Variants in GFRA1 observed in about 807,000 individuals in gnomAD.
GFRA1 encodes GDNF family receptor alpha 1, also known as GDNF family receptor alpha-1.
Under a neutral mutation model 51.6 loss-of-function variants are expected in GFRA1, and 16 were observed. The observed-to-expected ratio is 0.31, with a 90% CI of 0.21 to 0.47. The LOEUF (loss-of-function observed/expected upper bound fraction) is 0.47, where lower values mean the gene tolerates loss of function less well. GFRA1 is among the 20% of genes least tolerant of loss of function. GFRA1 has a pLI of 1.00. For missense variants in GFRA1, 530 were observed against 594.3 expected (o/e 0.89, Z 1.13); for synonymous variants, 270 against 241.3 (o/e 1.12, Z -1.10).
At chr10:116,172,597 G>C (rs187448781) in intron 5 of GFRA1, among the ~76,000 whole-genome samples, 1 of 152,160 alleles carries the variant, frequency 6.6e-6, no homozygotes. Context: ...AGAGAAGGAG[G>C]GCTAGGCTGA....
chr10:116,128,761 G>A (rs1957981845), intron 5 of GFRA1, among the ~76,000 whole-genome samples: 1 of 150,328 alleles, frequency 6.7e-6, no homozygotes, highest in African/African-American at 2.5e-5. Flanking sequence ...ATTGGCCTAG[G>A]TTATACCTTC....
intron 9 of GFRA1, among the ~76,000 whole-genome samples, chr10:116,084,667 T>G (rs190684394): frequency 5.9e-5 from 9 of 152,260 alleles, no homozygotes; most frequent in African/African-American, 2.2e-4. Flanking sequence ...CACATTAAGA[T>G]GTCTTCACTG....
intron 5 of GFRA1, among the ~76,000 whole-genome samples, chr10:116,175,138 C>T (rs927147785): frequency 6.6e-6 from 1 of 152,156 alleles, no homozygotes; most frequent in Non-Finnish European, 1.5e-5. Context: ...CACCTGGGCA[C>T]ATCACCAGGA....
Position 116,180,374 on chromosome 10 carries a change from G to A in GFRA1, c.433+31257C>T, listed in dbSNP as rs570565660. ...ATAAAATTTTCTTTTGTGAATCTATGCTCCCTGACACATATTCCAAGAAAG... is the reference window on the plus strand; with the variant it reads ...ATAAAATTTTCTTTTGTGAATCTATACTCCCTGACACATATTCCAAGAAAG... On this transcript the variant is annotated intron_variant, in intron 5 of 10. Coordinates refer to ENST00000355422, the MANE Select transcript of GFRA1 (RefSeq NM_005264.8). 6.6e-5 allele frequency among the ~76,000 whole-genome samples: 10 copies of A among 152,230 alleles called. No homozygotes were observed. In the South Asian group the frequency reaches 1.9e-3, roughly 28 times the overall value.
intron 5 of GFRA1, among the ~76,000 whole-genome samples, chr10:116,168,431 T>C (rs1960706797): frequency 6.6e-6 from 1 of 152,182 alleles, no homozygotes; most frequent in Non-Finnish European, 1.5e-5. Context: ...TTCCATAGCA[T>C]GTGTAAACCA....
chr10:116,154,688 A>T (rs2086685790), intron 5 of GFRA1, among the ~76,000 whole-genome samples: 1 of 152,154 alleles, frequency 6.6e-6, no homozygotes, highest in South Asian at 2.1e-4. Context: ...TTTGTTCACT[A>T]TTCTGTGAAT....
At chr10:116,102,878 T>A (rs553298031) in intron 6 of GFRA1, among the ~76,000 whole-genome samples, 2 of 152,318 alleles carry the variant, frequency 1.3e-5, no homozygotes, top group South Asian at 4.2e-4. Flanking sequence ...CAGGATCCCC[T>A]TATCAATCTA....
intron 6 of GFRA1, among the ~76,000 whole-genome samples, chr10:116,106,515 G>A (rs1044946248): frequency 1.5e-4 from 23 of 152,146 alleles, no homozygotes; most frequent in African/African-American, 5.3e-4. Context: ...GTGGGGCCTG[G>A]TGGGAGGTGA....
intron 4 of GFRA1, among the ~76,000 whole-genome samples, chr10:116,265,014 AT>A (rs533469056): frequency 1.2e-3 from 186 of 152,356 alleles, no homozygotes; most frequent in African/African-American, 4.1e-3. Flanking sequence ...TTTTTAAAAA[AT>A]AATGACTTAA....
chr10:116,231,304 G>A (rs1006311755), intron 4 of GFRA1, among the ~76,000 whole-genome samples: 4 of 152,136 alleles, frequency 2.6e-5, no homozygotes, highest in Non-Finnish European at 5.9e-5. Flanking sequence ...TCTGTGTCAT[G>A]AATTCAGTTA....
intron 5 of GFRA1, among the ~76,000 whole-genome samples, chr10:116,133,999 T>C (rs1167529958): frequency 6.6e-6 from 1 of 152,220 alleles, no homozygotes; most frequent in East Asian, 1.9e-4. Context: ...GCCACCGTTA[T>C]TGGCAAACAC....
chr10:116,118,077 C>A (rs142658274), intron 6 of GFRA1, among the ~76,000 whole-genome samples: 54 of 152,308 alleles, frequency 3.5e-4, no homozygotes, highest in African/African-American at 1.2e-3. Flanking sequence ...TTAACAACAA[C>A]CTCTATGTGA....
At chr10:116,069,801 TCAGCC>T (rs1955292303) in intron 9 of GFRA1, among the ~76,000 whole-genome samples, 2 of 152,188 alleles carry the variant, frequency 1.3e-5, no homozygotes, top group South Asian at 2.1e-4. Context: ...TTTATAGCTC[TCAGCC>T]CAGTCCCTAC....
chr10:116,192,006 G>T (rs1329355046), intron 5 of GFRA1, among the ~76,000 whole-genome samples: 3 of 152,162 alleles, frequency 2.0e-5, no homozygotes, highest in African/African-American at 4.8e-5. Flanking sequence ...CAGCCTCGGG[G>T]ACAAGAGTGA....
At chr10:116,264,980 C>T (rs1969551542) in intron 4 of GFRA1, among the ~76,000 whole-genome samples, 1 of 152,192 alleles carries the variant, frequency 6.6e-6, no homozygotes, top group Non-Finnish European at 1.5e-5. Context: ...AGGCTCTTCT[C>T]CAACATGTAG....
intron 5 of GFRA1, among the ~76,000 whole-genome samples, chr10:116,153,256 G>A (rs1211874352): frequency 6.6e-6 from 1 of 152,220 alleles, no homozygotes; most frequent in African/African-American, 2.4e-5. Flanking sequence ...GCTACACTCT[G>A]ACTGATAAAC....
chr10:116,106,394 T>C (rs900059303), intron 6 of GFRA1, among the ~76,000 whole-genome samples: 1 of 152,258 alleles, frequency 6.6e-6, no homozygotes, highest in African/African-American at 2.4e-5. Context: ...AATCGCTTAC[T>C]AGCCATGACA....
At chr10:116,264,485 G>T (rs1416386946) in intron 4 of GFRA1, among the ~76,000 whole-genome samples, 1 of 152,166 alleles carries the variant, frequency 6.6e-6, no homozygotes, top group East Asian at 1.9e-4. Context: ...GGGAAAAACA[G>T]ACACATAAAT....
chr10:116,239,029 G>T (rs1967134380), intron 4 of GFRA1, among the ~76,000 whole-genome samples: 1 of 152,156 alleles, frequency 6.6e-6, no homozygotes, highest in African/African-American at 2.4e-5. Flanking sequence ...CAGCTATATT[G>T]GAAGCAAATA....
Sources: allele counts gnomAD v4.1 joint callset (sites outside exome capture counted in the v4.1 genomes callset), GRCh38; gene constraint gnomAD v4.1.1; transcripts MANE v1.5; gene names NCBI Gene and HGNC (gene_info 2026-07-23, HGNC 2026-07-21).